The following LMLN variants were observed in gnomAD, a reference collection of about 807,000 sequenced individuals.
The protein encoded by LMLN is leishmanolysin like peptidase, also known as leishmanolysin-like peptidase.
In LMLN, 70 loss-of-function variants were observed where a neutral mutation model predicts 92.3. That is an observed-to-expected ratio of 0.76 (90% CI 0.63 to 0.92). LMLN has a LOEUF of 0.92. Among genes scored for constraint, LMLN ranks in the 40% least tolerant of loss-of-function variants. The probability of loss-of-function intolerance (pLI) is 0.00; values close to 1 mark genes in which losing one functional copy is unlikely to be tolerated. For missense variants in LMLN, 691 were observed against 814.6 expected (o/e 0.85, Z 1.85); for synonymous variants, 308 against 296.2 (o/e 1.04, Z -0.41).
chr3:197,984,919 C>A (rs867459934), intron 7 of LMLN, among the ~76,000 whole-genome samples: 2 of 151,902 alleles, frequency 1.3e-5, no homozygotes, highest in African/African-American at 4.8e-5. Context: ...TCAAGTGATC[C>A]CCCCCGCCTC....
At chr3:198,038,719 C>A (rs762419708) in exon 16 of LMLN, 2 of 1,404,172 alleles carry the variant, frequency 1.4e-6, no homozygotes, top group Non-Finnish European at 2.0e-6. Context: ...TTCTTGTGAA[C>A]AAAGCACAAA....
At chr3:198,037,616 G>T (rs974269299) in intron 15 of LMLN, among the ~76,000 whole-genome samples, 7 of 152,162 alleles carry the variant, frequency 4.6e-5, no homozygotes, top group Non-Finnish European at 8.8e-5. Flanking sequence ...TTCAGCCTGG[G>T]CAATAGAATG....
In LMLN at chr3:198,000,679, C is replaced by T. The variant is rs989610333; in HGVS notation, c.1232+1337C>T. Among the ~76,000 whole-genome samples the T allele has an allele frequency of 5.9e-5, 9 of 151,648 alleles. No individual in the cohort carries two copies. In the East Asian group the frequency reaches 7.8e-4, roughly 13 times the overall value. Reference sequence around the variant, plus strand: ...GTGACCTCAGGTGGTCTGCCCACCTCGGCCTCCCAAAGTGCTGGGATTACA... The same window carrying T: ...GTGACCTCAGGTGGTCTGCCCACCTTGGCCTCCCAAAGTGCTGGGATTACA... On this transcript the variant is annotated intron_variant, in intron 11 of 15. Transcript: ENST00000330198.
intron 10 of LMLN, among the ~76,000 whole-genome samples, chr3:197,997,590 G>A (rs1045472512): frequency 6.6e-6 from 1 of 152,178 alleles, no homozygotes; most frequent in African/African-American, 2.4e-5. Context: ...TGGCTACACC[G>A]AGCAGCACAT....
chr3:198,005,548 A>AG (rs1722269324), intron 11 of LMLN, among the ~76,000 whole-genome samples: 1 of 152,158 alleles, frequency 6.6e-6, no homozygotes, highest in African/African-American at 2.4e-5. Context: ...TATATTGTTT[A>AG]GGGAAAAATG....
At chr3:197,971,086 C>G (rs1320082199) in intron 1 of LMLN, among the ~76,000 whole-genome samples, 1 of 152,110 alleles carries the variant, frequency 6.6e-6, no homozygotes, top group Non-Finnish European at 1.5e-5. Context: ...ATTTCATTGT[C>G]TTCTGTTCTT....
chr3:198,006,008 T>C (rs904227106), intron 11 of LMLN, among the ~76,000 whole-genome samples: 1 of 152,018 alleles, frequency 6.6e-6, no homozygotes, highest in Non-Finnish European at 1.5e-5. Flanking sequence ...CCCTAGCTAC[T>C]CAGGAGGCTG....
intron 9 of LMLN, among the ~76,000 whole-genome samples, chr3:197,992,668 C>T (rs1166010316): frequency 6.6e-6 from 1 of 152,068 alleles, no homozygotes; most frequent in African/African-American, 2.4e-5. Context: ...AAGAGAAGCC[C>T]AGGACCAGGT....
At position 197,995,970 on chromosome 3, in the gene LMLN, T is replaced by C. The variant is rs76585831; in HGVS notation, c.1048-205T>C. Among the ~76,000 whole-genome samples, 1,877 of 152,294 alleles carry C rather than the reference T, an allele frequency of 0.012. 93 individuals carry two copies. The East Asian group carries it at 0.14, about 11-fold the overall frequency. ...AATCTTCAGAGAGAAGAAAAGATAC[T>C]AAGTAGTAATTTCCTAGCAAAGAAG... On this transcript the variant is annotated intron_variant, in intron 9 of 15. Transcript: ENST00000330198.
chr3:198,008,316 A>G (rs1201576435), intron 11 of LMLN, among the ~76,000 whole-genome samples: 1 of 152,194 alleles, frequency 6.6e-6, no homozygotes, highest in Non-Finnish European at 1.5e-5. Flanking sequence ...ATATCCTTCC[A>G]GTAAGAGAGA....
At chr3:198,043,127 C>G (rs1174419790) in exon 16 of LMLN, 1 of 152,148 alleles carries the variant, frequency 6.6e-6, no homozygotes, top group African/African-American at 2.4e-5. Flanking sequence ...AAAGTTGTAT[C>G]AATGTTCCTT....
At chr3:198,006,037 A>C (rs890351118) in intron 11 of LMLN, among the ~76,000 whole-genome samples, 3 of 152,178 alleles carry the variant, frequency 2.0e-5, no homozygotes, top group Non-Finnish European at 4.4e-5. Context: ...AAACAGCTTG[A>C]ATCCAGGAGG....
At chr3:198,005,730 G>A (rs1170739406) in intron 11 of LMLN, among the ~76,000 whole-genome samples, 1 of 151,498 alleles carries the variant, frequency 6.6e-6, no homozygotes, top group Admixed American at 6.6e-5. Context: ...TACCTACTAG[G>A]TTCAAGCAAT....
intron 9 of LMLN, among the ~76,000 whole-genome samples, chr3:197,993,984 T>C (rs555002341): frequency 6.6e-6 from 1 of 152,308 alleles, no homozygotes; most frequent in African/African-American, 2.4e-5. Context: ...TTATGGTTAA[T>C]TGATTTTTAA....
Position 197,980,343 on chromosome 3 carries a change from TG to T in LMLN, c.572del (p.Gly191ValfsTer55), listed in dbSNP as rs1437547243. ...GGGTGCAGCAATGCCGGGTCTACCG[TG>T]GGGGTAAGTGGCCTCATGGAGCAGT... is the stretch of plus-strand genomic sequence containing the variant. On this transcript the variant is annotated frameshift_variant, in exon 6 of 16. Transcript: ENST00000330198. LOFTEE classifies it high-confidence loss of function. 5 of 1,613,162 alleles carry T rather than the reference TG, an allele frequency of 3.1e-6. No homozygotes were observed. In the Admixed American group the frequency reaches 6.7e-5, roughly 22 times the overall value.
At chr3:198,038,603 T>G (rs757689476) in exon 16 of LMLN, 2 of 1,614,182 alleles carry the variant, frequency 1.2e-6, no homozygotes, top group East Asian at 4.5e-5. Flanking sequence ...GTGGTCACCC[T>G]CTGGCTTCTG....
In LMLN at chr3:198,019,510, G is replaced by GA. The variant is rs1176624159; in HGVS notation, c.1365+132dup. On this transcript the variant is annotated intron_variant, in intron 12 of 15. Coordinates refer to ENST00000330198, the Ensembl canonical transcript of LMLN. This position sits in a 1 kb window ranked among gnomAD's most constrained non-coding sequence, Gnocchi z 5.5. ...GGCCTTGTTTGTTTTCTGTAAGTTA[G>GA]AAAAAAATGGAATAATGCTTCCATT... 8.9e-6 allele frequency: 8 copies of GA among 895,910 alleles called. No individual in the cohort carries two copies. The East Asian group carries it at 1.6e-4, about 18-fold the overall frequency. The allele number at this position is 895,910 out of a possible 1,614,324, so 55.5% of individuals were successfully genotyped here. A position where few individuals can be genotyped will look rare whatever the true frequency, so the allele number is the denominator to read the frequency against.
chr3:197,972,539 T>C (rs1304952118), intron 1 of LMLN, among the ~76,000 whole-genome samples: 2 of 152,222 alleles, frequency 1.3e-5, no homozygotes, highest in African/African-American at 2.4e-5. Flanking sequence ...AACTAGTTGT[T>C]TAAATTCAGG....
chr3:198,033,931 TAAAAC>T (rs1319645566), intron 14 of LMLN, among the ~76,000 whole-genome samples: 10 of 152,360 alleles, frequency 6.6e-5, no homozygotes, highest in East Asian at 5.8e-4. Context: ...TGTGATATCT[TAAAAC>T]AAATGTTCAA....
Sources: allele counts gnomAD v4.1 joint callset (sites outside exome capture counted in the v4.1 genomes callset), GRCh38; gene constraint gnomAD v4.1.1; non-coding constraint Gnocchi (gnomAD v3.1); transcripts MANE v1.5; gene names NCBI Gene and HGNC (gene_info 2026-07-23, HGNC 2026-07-21).